The following MTOR variants were observed in gnomAD, a reference collection of about 807,000 sequenced individuals.
The protein encoded by MTOR is mechanistic target of rapamycin kinase, also known as serine/threonine-protein kinase mTOR.
A neutral mutation model predicts 319.8 loss-of-function variants in MTOR; 70 were observed. That is an observed-to-expected ratio of 0.22 (90% CI 0.18 to 0.27). MTOR has a LOEUF of 0.27. Ranked by LOEUF, MTOR falls within the 10% of genes least tolerant of loss-of-function variation. The pLI is 1.00. For synonymous variants in MTOR, 1,183 were observed against 1,211.4 expected (o/e 0.98, Z 0.49); for missense variants, 1,890 against 3,274.4 (o/e 0.58, Z 10.32).
At chr1:11,170,614 T>C (rs1037225999) in intron 28 of MTOR, among the ~76,000 whole-genome samples, 11 of 151,794 alleles carry the variant, frequency 7.2e-5, no homozygotes, top group Non-Finnish European at 1.2e-4. Flanking sequence ...TTTAATGATA[T>C]GGTCCCTGTA....
In MTOR at chr1:11,209,462, C is replaced by T. The variant is rs2100782415; in HGVS notation, c.3655-4G>A. ...CTTCATCAGCAAGTGTGTATCCCTACAACCAAAGATTTATAGGAAACACCT... is the reference window on the plus strand; with the variant it reads ...CTTCATCAGCAAGTGTGTATCCCTATAACCAAAGATTTATAGGAAACACCT... On this transcript the variant is annotated splice_region_variant and splice_polypyrimidine_tract_variant and intron_variant, in intron 24 of 57. Transcript: ENST00000361445. 9 of 1,614,096 alleles carry T rather than the reference C, an allele frequency of 5.6e-6. No individual in the cohort carries two copies. Among genetic ancestry groups the T allele is most frequent in the Non-Finnish European group, 7.6e-6 (9 of 1,179,990 alleles).
chr1:11,175,821 C>T lies in MTOR; in HGVS notation c.4254-8304G>A, dbSNP rs537187931. ...GTGCAGTGGCGCAATCTCGGCTCACCGCAACCTCTGCCTCCCAGGCTCAAG... is the reference window on the plus strand; with the variant it reads ...GTGCAGTGGCGCAATCTCGGCTCACTGCAACCTCTGCCTCCCAGGCTCAAG... On this transcript the variant is annotated intron_variant, in intron 28 of 57. Transcript: ENST00000361445. Among the ~76,000 whole-genome samples the T allele has an allele frequency of 3.3e-5, 5 of 151,484 alleles. No homozygotes were observed. The East Asian group carries it at 9.8e-4, about 30-fold the overall frequency.
intron 10 of MTOR, among the ~76,000 whole-genome samples, 161 bp downstream of exon 10, chr1:11,241,392 T>C (rs1390323449): frequency 1.3e-5 from 2 of 151,774 alleles, no homozygotes; most frequent in Non-Finnish European, 2.9e-5. Context: ...AGAAAGCTAG[T>C]GATGAAACTA....
intron 54 of MTOR, chr1:11,111,019 A>T (rs1271273997): frequency 4.8e-6 from 2 of 420,090 alleles, no homozygotes; most frequent in Non-Finnish European, 9.5e-6. Context: ...ACCAGCCACC[A>T]GTATAAGCTC....
Position 11,259,398 on chromosome 1 carries a change from G to A in MTOR, c.12C>T (p.Thr4=), listed in dbSNP as rs761376029. The change falls in exon 2 of 58, where the codon ACC becomes ACT. Residue 4 remains threonine (T), a synonymous_variant. Transcript: ENST00000361445. The stretch of plus-strand genomic sequence containing the variant: ...CAGCGGTGGTGGCGGCGGCAGGTCC[G>A]GTTCCAAGCATCTTGCCCTGAGGTT... The part of the protein sequence containing the change: MLG[T]GPAAATTAAT... 25 of 1,573,808 alleles carry A rather than the reference G, an allele frequency of 1.6e-5. No individual in the cohort carries two copies. Among genetic ancestry groups the A allele is most frequent in the Middle Eastern group, 1.7e-4 (1 of 5,874 alleles).
In MTOR at chr1:11,127,534, T is replaced by C; in HGVS notation, c.6216+90A>G. The C allele has an allele frequency of 1.4e-6, 2 of 1,459,728 alleles. No homozygotes were observed. Among genetic ancestry groups the C allele is most frequent in the Non-Finnish European group, 1.8e-6 (2 of 1,085,740 alleles). 90.4% of individuals were successfully genotyped at this position (1,459,728 alleles called of 1,614,324 possible). Reference sequence around the variant, plus strand: ...GACAAAGGCCTTGGGTCACGTCCTTTCATTCTATAAAAACTTTTCTCATTT... The same window carrying C: ...GACAAAGGCCTTGGGTCACGTCCTTCCATTCTATAAAAACTTTTCTCATTT... On this transcript the variant is annotated intron_variant, in intron 44 of 57. Coordinates refer to ENST00000361445, the MANE Select transcript of MTOR (RefSeq NM_004958.4). This position sits in a 1 kb window ranked among gnomAD's most constrained non-coding sequence, Gnocchi z 5.5.
At chr1:11,213,249 G>A (rs1646365760) in intron 21 of MTOR, 150 bp downstream of exon 21, 2 of 746,470 alleles carry the variant, frequency 2.7e-6, no homozygotes, top group Admixed American at 3.0e-5. Flanking sequence ...TCTGTAAACT[G>A]CACACATTGG....
intron 19 of MTOR, among the ~76,000 whole-genome samples, chr1:11,220,604 T>C (rs1388267466): frequency 6.6e-6 from 1 of 152,024 alleles, no homozygotes; most frequent in Non-Finnish European, 1.5e-5. Context: ...AAAACGACAA[T>C]AATGTTTAAT....
chr1:11,256,963 A>T lies in MTOR; in HGVS notation c.474T>A (p.Ala158=). Residue 158 remains alanine (A), a synonymous_variant, in exon 4 of 58, where the codon GCT becomes GCA. Transcript: ENST00000361445. ...EVKRALEWLG[A]DRNEGRRHAA... is the part of the protein sequence containing the mutation. ...CATGTCTCCGGCCCTCATTGCGGTC[A>T]GCACCCAGCCATTCCAGGGCTCGCT... is the stretch of plus-strand genomic sequence containing the variant. 1.2e-6 allele frequency: 2 copies of T among 1,614,012 alleles called. No homozygotes were observed. The highest frequency in any genetic ancestry group is 1.7e-6 in the Non-Finnish European group (2 of 1,179,976).
intron 30 of MTOR, among the ~76,000 whole-genome samples, chr1:11,156,717 G>C (rs1357824408): frequency 6.6e-6 from 1 of 152,124 alleles, no homozygotes; most frequent in African/African-American, 2.4e-5. Flanking sequence ...CTTGGAGCCT[G>C]GCATAGTGCT....
At chr1:11,159,753 G>A (rs974663160) in intron 29 of MTOR, among the ~76,000 whole-genome samples, 4 of 151,934 alleles carry the variant, frequency 2.6e-5, no homozygotes, top group Admixed American at 6.6e-5. Context: ...TCAAACAAAA[G>A]CCTGTTAAAT....
intron 28 of MTOR, among the ~76,000 whole-genome samples, chr1:11,197,333 C>T (rs1645820842): frequency 6.6e-6 from 1 of 152,066 alleles, no homozygotes; most frequent in Non-Finnish European, 1.5e-5. Flanking sequence ...GTAAAGACGA[C>T]AGTATACCAC....
rs777053956 is a variant in MTOR, at chr1:11,127,149, G to A, written c.6217-5C>T. ...CATTAAATCTCGACCATAGGCCTGA[G>A]AGAGAAAGCAGGCACGTTTTCAAGT... is the stretch of plus-strand genomic sequence containing the variant. On this transcript the variant is annotated splice_region_variant and splice_polypyrimidine_tract_variant and intron_variant, in intron 44 of 57. Transcript: ENST00000361445. The surrounding 1 kb of genome is among the most constrained non-coding windows in gnomAD (Gnocchi z 5.5). The A allele has an allele frequency of 4.3e-6, 7 of 1,613,542 alleles. No homozygotes were observed. The African/African-American group carries it at 9.3e-5, about 22-fold the overall frequency.
intron 14 of MTOR, 43 bp downstream of exon 14, chr1:11,234,100 T>G (rs1415202756): frequency 6.2e-7 from 1 of 1,613,702 alleles, no homozygotes; most frequent in African/African-American, 1.3e-5. Flanking sequence ...TATGAGCTGA[T>G]GACAACGCAC....
intron 28 of MTOR, among the ~76,000 whole-genome samples, chr1:11,170,132 T>C (rs570712461): frequency 4.6e-4 from 70 of 152,354 alleles, no homozygotes; most frequent in African/African-American, 1.6e-3. Flanking sequence ...AATTCGGAGA[T>C]GTTTTTAATT....
chr1:11,120,641 T>C (rs936287869), intron 49 of MTOR, among the ~76,000 whole-genome samples: 2 of 152,104 alleles, frequency 1.3e-5, no homozygotes, highest in African/African-American at 4.8e-5. Flanking sequence ...TGTGAGCCAC[T>C]GCACCCAGCC....
intron 30 of MTOR, among the ~76,000 whole-genome samples, chr1:11,151,094 C>T (rs1473823106): frequency 6.6e-6 from 1 of 152,114 alleles, no homozygotes; most frequent in East Asian, 1.9e-4. Flanking sequence ...AGGTCAGAAG[C>T]CTCATGGAAC....
chr1:11,193,762 T>A (rs746156288), intron 28 of MTOR: 3 of 1,613,994 alleles, frequency 1.9e-6, no homozygotes, highest in Non-Finnish European at 2.5e-6. Context: ...CCCGGCTGCG[T>A]GTAGAGATGG....
chr1:11,122,315 T>C (rs1642575945), intron 47 of MTOR, among the ~76,000 whole-genome samples, 189 bp from the exon 48 acceptor site: 1 of 151,842 alleles, frequency 6.6e-6, no homozygotes, highest in African/African-American at 2.4e-5. Context: ...GTGATCCTCC[T>C]GCCTCAGCCT....
Sources: gnomAD v4.1 joint callset for allele counts (sites outside exome capture counted in the v4.1 genomes callset) on GRCh38, gnomAD v4.1.1 for gene constraint, Gnocchi (gnomAD v3.1) non-coding constraint, MANE v1.5 for transcripts, NCBI Gene and HGNC (gene_info 2026-07-23, HGNC 2026-07-21) for gene names.